NEBL: variants seen among roughly 807,000 people sequenced by gnomAD.
NEBL encodes the protein nebulette.
Under a neutral mutation model 140.2 loss-of-function variants are expected in NEBL, and 122 were observed. The ratio of observed to expected loss-of-function variants is 0.87; its 90% CI spans 0.75 to 1.01. The LOEUF (loss-of-function observed/expected upper bound fraction) is 1.01, where lower values mean the gene tolerates loss of function less well. Ranked by LOEUF, NEBL falls within the 50% of genes least tolerant of loss-of-function variation. NEBL has a pLI of 0.00. For missense variants in NEBL, 1,365 were observed against 1,231.3 expected, an observed-to-expected ratio of 1.11 and a Z score of -1.62; for synonymous variants, 436 against 398.9, an observed-to-expected ratio of 1.09 and a Z score of -1.11.
In NEBL at chr10:20,807,222, C is replaced by A. The variant is rs111246152; in HGVS notation, c.2761+1288G>T. Among the ~76,000 whole-genome samples the A allele has an allele frequency of 3.9e-3, 587 of 152,110 alleles. 6 individuals carry two copies. The highest frequency in any genetic ancestry group is 0.014 in the African/African-American group (561 of 41,506). ...ACACCTGTAGACCCACCTACTCAGG[C>A]GGCTGAGGCACAAGAATCACTTGAA... On this transcript the variant is annotated intron_variant, in intron 26 of 27. Transcript: ENST00000377122.
intron 7 of NEBL, among the ~76,000 whole-genome samples, chr10:20,864,409 G>A (rs1445829639): frequency 1.3e-5 from 2 of 152,152 alleles, no homozygotes; most frequent in Non-Finnish European, 2.9e-5. Flanking sequence ...CGGGAGCAAA[G>A]CTATTGTAGA....
chr10:20,947,321 A>ATC (rs1258331877), intron 4 of NEBL, among the ~76,000 whole-genome samples: 1 of 152,078 alleles, frequency 6.6e-6, no homozygotes, highest in Non-Finnish European at 1.5e-5. Flanking sequence ...TTAAGATGAG[A>ATC]AGGTACTTTG....
At chr10:20,815,779 A>G (rs1342656194) in intron 21 of NEBL, 62 bp from the exon 22 acceptor site, 7 of 1,192,936 alleles carry the variant, frequency 5.9e-6, no homozygotes, top group Non-Finnish European at 8.7e-6. Context: ...AGACTTATTT[A>G]TTTATTTAAG....
In NEBL at chr10:20,789,806, C is replaced by T. The variant is rs1008150515; in HGVS notation, c.2762-2498G>A. On this transcript the variant is annotated intron_variant, in intron 26 of 27. Transcript: ENST00000377122. ...AGGTCAAGGCTGCCATGTGATCTCA[C>T]CACTACACTCCAGCCTGGGTGACAG... Among the ~76,000 whole-genome samples, 13 of 151,790 alleles carry T rather than the reference C, an allele frequency of 8.6e-5. No individual in the cohort carries two copies. In the South Asian group the frequency reaches 2.7e-3, roughly 32 times the overall value.
intron 7 of NEBL, among the ~76,000 whole-genome samples, chr10:20,860,276 C>T (rs1172274942): frequency 1.3e-5 from 2 of 151,934 alleles, no homozygotes; most frequent in Non-Finnish European, 1.5e-5. Context: ...TCATCATTTC[C>T]TATACTTCAT....
At chr10:20,814,915 T>C (rs923349841) in intron 22 of NEBL, among the ~76,000 whole-genome samples, 10 of 152,200 alleles carry the variant, frequency 6.6e-5, no homozygotes, top group African/African-American at 9.6e-5. Flanking sequence ...AAGCTGTAAA[T>C]TGCAAAGCCT....
At chr10:21,025,576 C>T (rs768592458) in intron 2 of NEBL, among the ~76,000 whole-genome samples, 10 of 152,076 alleles carry the variant, frequency 6.6e-5, no homozygotes, top group South Asian at 2.1e-4. Flanking sequence ...ATGCAGGAAG[C>T]GACATAAGCA....
At chr10:21,239,557 C>T (rs1176067139) in intron 3 of NEBL, among the ~76,000 whole-genome samples, 1 of 152,028 alleles carries the variant, frequency 6.6e-6, no homozygotes, top group African/African-American at 2.4e-5. Flanking sequence ...AGTGCTGCTC[C>T]CCTAAAAGCT....
chr10:21,003,588 A>G (rs1436041851), intron 3 of NEBL, among the ~76,000 whole-genome samples: 1 of 152,158 alleles, frequency 6.6e-6, no homozygotes, highest in Non-Finnish European at 1.5e-5. Context: ...ATCTGAAACC[A>G]ACTCTATTCA....
intron 4 of NEBL, among the ~76,000 whole-genome samples, chr10:20,914,218 C>T (rs969666916): frequency 2.6e-5 from 4 of 152,184 alleles, no homozygotes; most frequent in African/African-American, 4.8e-5. Context: ...TCAGTAAGTG[C>T]TGGAGCTAAA....
intron 3 of NEBL, among the ~76,000 whole-genome samples, chr10:21,182,775 G>A (rs1841407036): frequency 1.3e-5 from 2 of 152,108 alleles, no homozygotes; most frequent in South Asian, 4.2e-4. Context: ...AACAAGTGAT[G>A]ATATTTTAGC....
intron 4 of NEBL, among the ~76,000 whole-genome samples, chr10:20,907,839 C>T (rs1848162092): frequency 6.6e-6 from 1 of 152,198 alleles, no homozygotes. Context: ...ACAATTGGTA[C>T]TTTAAAACTG....
chr10:21,051,411 G>A (rs547520091), intron 2 of NEBL, among the ~76,000 whole-genome samples: 4 of 152,286 alleles, frequency 2.6e-5, no homozygotes, highest in African/African-American at 9.6e-5. Flanking sequence ...TTTGTATGTG[G>A]TTGAAGTTAG....
At chr10:20,955,100 G>A (rs1403140336) in intron 4 of NEBL, among the ~76,000 whole-genome samples, 1 of 152,206 alleles carries the variant, frequency 6.6e-6, no homozygotes, top group Non-Finnish European at 1.5e-5. Context: ...CCCAAGTCAA[G>A]AGACTATTCC....
At chr10:21,110,102 T>C (rs1394686276) in intron 2 of NEBL, among the ~76,000 whole-genome samples, 2 of 152,202 alleles carry the variant, frequency 1.3e-5, no homozygotes, top group Non-Finnish European at 2.9e-5. Context: ...TGTTAGGGTG[T>C]CTATTTTAGA....
chr10:20,869,610 A>G (rs1344288293), intron 6 of NEBL, 130 bp downstream of exon 6: 2 of 708,554 alleles, frequency 2.8e-6, no homozygotes, highest in South Asian at 1.6e-5. Flanking sequence ...TTAGGGGGGG[A>G]AATTGAGATG....
At chr10:21,145,127 T>C (rs1164045191) in intron 2 of NEBL, among the ~76,000 whole-genome samples, 2 of 152,118 alleles carry the variant, frequency 1.3e-5, no homozygotes, top group Non-Finnish European at 2.9e-5. Context: ...ACTGGTAAAA[T>C]TGGAAAGATT....
At chr10:20,796,750 T>G (rs1368168028) in intron 26 of NEBL, among the ~76,000 whole-genome samples, 1 of 152,210 alleles carries the variant, frequency 6.6e-6, no homozygotes, top group Non-Finnish European at 1.5e-5. Context: ...TTATCTCTCT[T>G]AGGATAAACT....
chr10:21,251,473 A>G (rs1842588590), intron 2 of NEBL, among the ~76,000 whole-genome samples: 1 of 152,158 alleles, frequency 6.6e-6, no homozygotes, highest in South Asian at 2.1e-4. Flanking sequence ...TAGTAGGTTG[A>G]ATGGTGTTCT....
Sources: gnomAD v4.1 joint callset for allele counts (sites outside exome capture counted in the v4.1 genomes callset) on GRCh38, gnomAD v4.1.1 for gene constraint, MANE v1.5 for transcripts, NCBI Gene and HGNC (gene_info 2026-07-23, HGNC 2026-07-21) for gene names.